The following CSRNP3 variants were observed in gnomAD, a reference collection of about 807,000 sequenced individuals.
The protein encoded by CSRNP3 is cysteine and serine rich nuclear protein 3, also known as cysteine/serine-rich nuclear protein 3.
In CSRNP3, 12 loss-of-function variants were observed where a neutral mutation model predicts 48.0. That is an observed-to-expected ratio of 0.25 (90% CI 0.16 to 0.41). The LOEUF is 0.41. CSRNP3 is among the 10% of genes least tolerant of loss of function. CSRNP3 has a pLI of 1.00. For synonymous variants in CSRNP3, 263 were observed against 269.7 expected, an observed-to-expected ratio of 0.98 and a Z score of 0.24; for missense variants, 580 against 724.4, an observed-to-expected ratio of 0.80 and a Z score of 2.29.
chr2:165,676,393 G>C lies in CSRNP3; in HGVS notation c.490G>C (p.Asp164His), dbSNP rs768509627. 6.2e-7 allele frequency: 1 copy of C among 1,613,976 alleles called. No individual in the cohort carries two copies. Among genetic ancestry groups the C allele is most frequent in the Non-Finnish European group, 8.5e-7 (1 of 1,179,886 alleles). ...DDISDDDIDL[D>H]NTEVDEYFFL... is the part of the protein sequence containing the mutation. The stretch of plus-strand genomic sequence containing the variant: ...CATTTCTGATGATGACATTGACCTG[G>C]ACAACACAGAGGTAGATGAGTACTT... The change falls in exon 6 of 7, where the codon GAC (aspartate) becomes CAC (histidine). Residue 164 changes from aspartate (D) to histidine (H), a missense_variant. Around this residue, in one of 4 missense-constraint regions of CSRNP3, gnomAD observed 62 missense variants for 66.4 expected, o/e 0.93. Transcript: ENST00000651982.
At chr2:165,627,185 T>C (rs1033085299) in intron 4 of CSRNP3, among the ~76,000 whole-genome samples, 9 of 152,196 alleles carry the variant, frequency 5.9e-5, no homozygotes, top group Non-Finnish European at 1.3e-4. Context: ...AAGCTTGTTG[T>C]CTCCGCTCAA....
Position 165,679,912 on chromosome 2 carries a change from C to T in CSRNP3, c.*159C>T. The T allele has an allele frequency of 1.0e-6, 1 of 956,248 alleles. No homozygotes were observed. 59.2% of individuals were successfully genotyped at this position (956,248 alleles called of 1,614,324 possible). ...TGTTTTTTCCTTTCTAGCCACATGA[C>T]TGTGGCATTGCACAAATACAGTCTC... is the stretch of plus-strand genomic sequence containing the variant. On this transcript the variant is annotated 3_prime_UTR_variant, in exon 7 of 7. Coordinates refer to ENST00000651982, the MANE Select transcript of CSRNP3 (RefSeq NM_001172173.2).
At position 165,477,682 on chromosome 2, in the gene CSRNP3, T is replaced by C. The variant is rs1468231689; in HGVS notation, c.-283+7942T>C. On this transcript the variant is annotated intron_variant, in intron 1 of 6. Coordinates refer to ENST00000651982, the MANE Select transcript of CSRNP3 (RefSeq NM_001172173.2). ...AGACTCCATCTCAAAAAAAAAAAAA[T>C]TGTAGGCCGGTAGGCCAGGCATGGT... Among the ~76,000 whole-genome samples the C allele has an allele frequency of 6.5e-5, 8 of 123,758 alleles. 1 individual carries two copies. The highest frequency in any genetic ancestry group is 1.5e-4 in the African/African-American group (5 of 32,876). 81.2% of individuals were successfully genotyped at this position (123,758 alleles called of 152,430 possible). A position where few individuals can be genotyped will look rare whatever the true frequency, so the allele number is the denominator to read the frequency against.
chr2:165,644,111 A>G (rs1686773339), intron 4 of CSRNP3, among the ~76,000 whole-genome samples: 1 of 152,176 alleles, frequency 6.6e-6, no homozygotes, highest in Non-Finnish European at 1.5e-5. Context: ...CTTGCTTTTT[A>G]GAGATGAGTT....
At chr2:165,557,022 G>T (rs2105264234) in intron 3 of CSRNP3, among the ~76,000 whole-genome samples, 1 of 152,222 alleles carries the variant, frequency 6.6e-6, no homozygotes, top group East Asian at 1.9e-4. Flanking sequence ...CTGAGCGGAA[G>T]TCGAAAAGGA....
At chr2:165,568,795 T>C (rs755816840) in intron 3 of CSRNP3, among the ~76,000 whole-genome samples, 8 of 152,066 alleles carry the variant, frequency 5.3e-5, no homozygotes, top group Non-Finnish European at 1.2e-4. Context: ...TAAAATATCT[T>C]ATTATTAAGA....
intron 1 of CSRNP3, among the ~76,000 whole-genome samples, chr2:165,471,014 CT>C (rs5836039): frequency 0.23 from 34,869 of 150,198 alleles, 4,155 homozygotes; most frequent in East Asian, 0.34. Flanking sequence ...ATTTATTGTA[CT>C]TTTTTTGTTT....
intron 5 of CSRNP3, among the ~76,000 whole-genome samples, chr2:165,671,469 C>A (rs1687329702): frequency 6.6e-6 from 1 of 152,216 alleles, no homozygotes; most frequent in Non-Finnish European, 1.5e-5. Context: ...GGGGCTTGCA[C>A]CCTCTGAAGC....
intron 3 of CSRNP3, among the ~76,000 whole-genome samples, chr2:165,540,003 A>C (rs761460887): frequency 1.1e-4 from 16 of 152,082 alleles, no homozygotes; most frequent in Non-Finnish European, 2.4e-4. Context: ...ATAAACCCAA[A>C]GGATAAAATG....
At position 165,568,789 on chromosome 2, in the gene CSRNP3, A is replaced by T. The variant is rs565110769; in HGVS notation, c.-23-26254A>T. Among the ~76,000 whole-genome samples the T allele has an allele frequency of 3.0e-4, 45 of 152,216 alleles. 1 individual carries two copies. Among genetic ancestry groups the T allele is most frequent in the African/African-American group, 1.0e-3 (43 of 41,556 alleles). On this transcript the variant is annotated intron_variant, in intron 3 of 6. Coordinates refer to ENST00000651982, the MANE Select transcript of CSRNP3 (RefSeq NM_001172173.2). ...AGCCATTATTTTTATTTTATTTAAA[A>T]TATCTTATTATTAAGATAAGTTTTG...
At chr2:165,635,536 T>C (rs1382668988) in intron 4 of CSRNP3, among the ~76,000 whole-genome samples, 2 of 152,284 alleles carry the variant, frequency 1.3e-5, no homozygotes, top group East Asian at 3.9e-4. Flanking sequence ...AGAAACAGGA[T>C]TATTTGTGTT....
intron 3 of CSRNP3, among the ~76,000 whole-genome samples, chr2:165,557,536 G>A (rs1050321698): frequency 2.6e-5 from 4 of 152,176 alleles, no homozygotes; most frequent in African/African-American, 7.2e-5. Flanking sequence ...GTAAAACTGG[G>A]GGAAAGGATG....
chr2:165,605,158 A>T (rs1685988574), intron 4 of CSRNP3, among the ~76,000 whole-genome samples: 1 of 151,954 alleles, frequency 6.6e-6, no homozygotes, highest in Non-Finnish European at 1.5e-5. Flanking sequence ...TTCATCAATC[A>T]CTTTCAATTG....
At chr2:165,532,933 C>T (rs995737811) in intron 3 of CSRNP3, among the ~76,000 whole-genome samples, 2 of 151,990 alleles carry the variant, frequency 1.3e-5, no homozygotes, top group Non-Finnish European at 1.5e-5. Context: ...AACAGAGAGC[C>T]AAATCATGAG....
intron 3 of CSRNP3, among the ~76,000 whole-genome samples, chr2:165,587,785 T>C (rs2105288797): frequency 6.6e-6 from 1 of 152,348 alleles, no homozygotes; most frequent in South Asian, 2.1e-4. Flanking sequence ...TGTATGATGC[T>C]TTGGGCTCAG....
chr2:165,532,668 C>T (rs555788251), intron 3 of CSRNP3, among the ~76,000 whole-genome samples: 75 of 152,138 alleles, frequency 4.9e-4, no homozygotes, highest in African/African-American at 1.7e-3. Context: ...GATGCCCTCT[C>T]TCACCGCTCC....
At chr2:165,521,179 A>G (rs115546401) in intron 3 of CSRNP3, among the ~76,000 whole-genome samples, 2,460 of 151,944 alleles carry the variant, frequency 0.016, 36 homozygotes, top group Non-Finnish European at 0.027. Flanking sequence ...AAGCCAAAAA[A>G]AAAAAGAAAA....
chr2:165,477,536 G>A lies in CSRNP3; in HGVS notation c.-283+7796G>A, dbSNP rs112586710. Among the ~76,000 whole-genome samples, 29 of 140,842 alleles carry A rather than the reference G, an allele frequency of 2.1e-4. 1 individual carries two copies. The highest frequency in any genetic ancestry group is 3.4e-4 in the African/African-American group (13 of 37,922). 92.4% of individuals were successfully genotyped at this position (140,842 alleles called of 152,430 possible). A position where few individuals can be genotyped will look rare whatever the true frequency, so the allele number is the denominator to read the frequency against. ...ATATATATATTAGCCAGGTGTGGTC[G>A]TGGGTACCTGTAATCCCAGCTACTC... On this transcript the variant is annotated intron_variant, in intron 1 of 6. Transcript: ENST00000651982.
intron 2 of CSRNP3, among the ~76,000 whole-genome samples, chr2:165,507,954 TC>T (rs1684450883): frequency 6.6e-6 from 1 of 152,028 alleles, no homozygotes. Context: ...ATTCTTGTTC[TC>T]CAGGACAAAA....
Sources: gnomAD v4.1 joint callset for allele counts (sites outside exome capture counted in the v4.1 genomes callset) on GRCh38, gnomAD v4.1.1 for gene constraint, gnomAD v4.1.1 regional missense constraint, MANE v1.5 for transcripts, NCBI Gene and HGNC (gene_info 2026-07-23, HGNC 2026-07-21) for gene names.